AKR1E2: variants seen among roughly 807,000 people sequenced by gnomAD.
AKR1E2 encodes aldo-keto reductase family 1 member E2.
Under a neutral mutation model 41.9 loss-of-function variants are expected in AKR1E2, and 43 were observed. The ratio of observed to expected loss-of-function variants is 1.03; its 90% CI spans 0.80 to 1.32. The LOEUF is 1.32. AKR1E2 is among the 40% of genes most tolerant of loss of function. The pLI is 0.00. For missense variants in AKR1E2, 423 were observed against 396.5 expected, an observed-to-expected ratio of 1.07 and a Z score of -0.57; for synonymous variants, 121 against 138.9, an observed-to-expected ratio of 0.87 and a Z score of 0.91.
At chr10:4,857,867 T>C in the AKR1E2 span, among the ~76,000 whole-genome samples, 6 of 152,126 alleles carry the variant, frequency 3.9e-5, no homozygotes, top group Admixed American at 3.3e-4. Flanking sequence ...AGTCTTATCA[T>C]TTTTTAATTT....
At chr10:4,841,691 A>C (rs1172910178) in intron 6 of AKR1E2, 94 bp from the exon 7 acceptor site, 15 of 996,274 alleles carry the variant, frequency 1.5e-5, no homozygotes, top group Non-Finnish European at 1.4e-6. Flanking sequence ...TCAGAAAATA[A>C]ATCTTTCATT....
At chr10:4,853,262 A>G in the AKR1E2 span, among the ~76,000 whole-genome samples, 1 of 152,354 alleles carries the variant, frequency 6.6e-6, no homozygotes, top group Non-Finnish European at 1.5e-5. Context: ...CTGAGTCTGC[A>G]TTCAATCAAA....
intron 5 of AKR1E2, 63 bp from the exon 6 acceptor site, chr10:4,839,666 C>A: frequency 1.3e-6 from 2 of 1,482,966 alleles, no homozygotes; most frequent in South Asian, 1.1e-5. Context: ...CAGGTCTTCT[C>A]TTGTAGAGCT....
chr10:4,852,509 G>A (rs141519505), downstream of AKR1E2, among the ~76,000 whole-genome samples: 751 of 152,286 alleles, frequency 4.9e-3, 6 homozygotes, highest in African/African-American at 0.017. Context: ...GGAGAATACC[G>A]TTAGCTAGAG....
chr10:4,844,754 G>T (rs202129400), intron 8 of AKR1E2, among the ~76,000 whole-genome samples: 993 of 144,502 alleles, frequency 6.9e-3, no homozygotes, highest in East Asian at 0.027. Flanking sequence ...TTTACAAACC[G>T]TGAGCTAGAT....
intron 2 of AKR1E2, among the ~76,000 whole-genome samples, chr10:4,832,935 A>C (rs1433003795): frequency 1.3e-5 from 2 of 152,270 alleles, no homozygotes; most frequent in Admixed American, 1.3e-4. Flanking sequence ...CCACATGGTT[A>C]CAGTGCCTTA....
chr10:4,864,680 C>G, the AKR1E2 span, among the ~76,000 whole-genome samples: 1 of 152,230 alleles, frequency 6.6e-6, no homozygotes, highest in Admixed American at 6.5e-5. Flanking sequence ...TCCCTGTTTG[C>G]AGATGACATG....
chr10:4,831,930 G>A (rs1437815204), intron 2 of AKR1E2, among the ~76,000 whole-genome samples: 1 of 152,214 alleles, frequency 6.6e-6, no homozygotes, highest in African/African-American at 2.4e-5. Context: ...GAGGCAGGAG[G>A]CCAGGTAGGA....
intron 9 of AKR1E2, 52 bp from the exon 10 acceptor site, chr10:4,847,436 A>G: frequency 6.3e-7 from 1 of 1,596,376 alleles, no homozygotes; most frequent in Non-Finnish European, 8.6e-7. Flanking sequence ...TGTTTCTCTT[A>G]AAAAATAATC....
In AKR1E2 at chr10:4,826,377, G is replaced by T; in HGVS notation, c.39+14G>T. On this transcript the variant is annotated intron_variant, in intron 1 of 9. Transcript: ENST00000298375. ...AGCTCCTGGAAGGTGACGCGGTCGC[G>T]GGCAGGGAGGCGCGCCTGACCTAGG... 3.5e-5 allele frequency: 43 copies of T among 1,233,638 alleles called. No homozygotes were observed. The highest frequency in any genetic ancestry group is 4.3e-5 in the Non-Finnish European group (42 of 987,196). The allele number at this position is 1,233,638 out of a possible 1,614,324, so 76.4% of individuals were successfully genotyped here. A position where few individuals can be genotyped will look rare whatever the true frequency, so the allele number is the denominator to read the frequency against.
In AKR1E2 at chr10:4,847,568, G is replaced by T. The variant is rs769466066; in HGVS notation, c.*38G>T. On this transcript the variant is annotated 3_prime_UTR_variant, in exon 10 of 10. Coordinates refer to ENST00000298375, the MANE Select transcript of AKR1E2 (RefSeq NM_001040177.3). ...TTCCTTGTTTCTGCTCAGCCCAGAT[G>T]CACAGACACTATTGGCAATGTTGAC... 6.2e-7 allele frequency: 1 copy of T among 1,606,228 alleles called. No individual in the cohort carries two copies. Among genetic ancestry groups the T allele is most frequent in the Admixed American group, 1.7e-5 (1 of 59,616 alleles).
At chr10:4,828,695 G>C (rs980082971) in intron 1 of AKR1E2, among the ~76,000 whole-genome samples, 1 of 152,148 alleles carries the variant, frequency 6.6e-6, no homozygotes, top group Admixed American at 6.5e-5. Flanking sequence ...TTTTCTACAA[G>C]CATGGTATTC....
the AKR1E2 span, among the ~76,000 whole-genome samples, chr10:4,856,408 C>T: frequency 2.6e-5 from 4 of 152,134 alleles, no homozygotes; most frequent in African/African-American, 9.7e-5. Context: ...TGCTTATGAC[C>T]TGCTCTTTAA....
intron 1 of AKR1E2, among the ~76,000 whole-genome samples, chr10:4,826,754 C>G (rs1022552015): frequency 2.0e-5 from 3 of 152,174 alleles, no homozygotes; most frequent in Admixed American, 6.5e-5. Context: ...AACAGGGAAC[C>G]TCGAAGCCTC....
At chr10:4,870,941 T>G in the AKR1E2 span, among the ~76,000 whole-genome samples, 1 of 152,290 alleles carries the variant, frequency 6.6e-6, no homozygotes, top group African/African-American at 2.4e-5. Context: ...TCTTTTGTTA[T>G]AGTTCTACAA....
chr10:4,846,548 C>T (rs1834351206), intron 8 of AKR1E2, among the ~76,000 whole-genome samples: 1 of 148,998 alleles, frequency 6.7e-6, no homozygotes, highest in Admixed American at 6.7e-5. Flanking sequence ...TCTGTGCCAT[C>T]CTTTTTTTTT....
intron 8 of AKR1E2, among the ~76,000 whole-genome samples, chr10:4,844,177 TCTTC>T (rs1834112428): frequency 6.6e-6 from 1 of 152,186 alleles, no homozygotes; most frequent in African/African-American, 2.4e-5. Flanking sequence ...GTTCGGAGTT[TCTTC>T]CTTCTGGTGG....
At chr10:4,829,409 C>A (rs1318220957) in intron 1 of AKR1E2, among the ~76,000 whole-genome samples, 1 of 152,118 alleles carries the variant, frequency 6.6e-6, no homozygotes, top group Non-Finnish European at 1.5e-5. Context: ...ATGAATTTTG[C>A]AACGGTATTC....
At chr10:4,866,568 G>T in the AKR1E2 span, among the ~76,000 whole-genome samples, 4 of 152,066 alleles carry the variant, frequency 2.6e-5, no homozygotes, top group African/African-American at 9.7e-5. Context: ...AGCCAGCTGT[G>T]CAGGAGACCG....
Sources: gnomAD v4.1 joint callset for allele counts (sites outside exome capture counted in the v4.1 genomes callset) on GRCh38, gnomAD v4.1.1 for gene constraint, MANE v1.5 for transcripts, NCBI Gene and HGNC (gene_info 2026-07-23, HGNC 2026-07-21) for gene names.